Variants in POLN observed in about 807,000 individuals in gnomAD.
POLN encodes DNA polymerase N.
POLN carries 108 observed loss-of-function variants against 113.5 expected under a neutral mutation model. The observed-to-expected ratio is 0.95, with a 90% CI of 0.81 to 1.12. The LOEUF (loss-of-function observed/expected upper bound fraction) is 1.12, where lower values mean the gene tolerates loss of function less well. POLN is among the 50% of genes most tolerant of loss of function. The probability of loss-of-function intolerance (pLI) is 0.00; values close to 1 mark genes in which losing one functional copy is unlikely to be tolerated. For synonymous variants in POLN, 386 were observed against 391.5 expected, an observed-to-expected ratio of 0.99 and a Z score of 0.17; for missense variants, 1,097 against 1,077.1, an observed-to-expected ratio of 1.02 and a Z score of -0.26.
Position 2,179,267 on chromosome 4 carries a change from G to T in POLN, c.1179+41C>A, listed in dbSNP as rs898129075. The T allele has an allele frequency of 4.6e-6, 7 of 1,528,528 alleles. No individual in the cohort carries two copies. In the Admixed American group the frequency reaches 6.2e-5, roughly 13 times the overall value. The allele number at this position is 1,528,528 out of a possible 1,614,324, so 94.7% of individuals were successfully genotyped here. A position where few individuals can be genotyped will look rare whatever the true frequency, so the allele number is the denominator to read the frequency against. ...TAGAAAAAGCTTCCAGAAAAAATAG[G>T]ATGTATTAAGGTTGATAAAACTTTA... On this transcript the variant is annotated intron_variant, in intron 8 of 25. Coordinates refer to ENST00000511885, the MANE Select transcript of POLN (RefSeq NM_181808.4).
At chr4:2,102,473 A>G (rs750425223) in intron 19 of POLN, among the ~76,000 whole-genome samples, 16 of 152,290 alleles carry the variant, frequency 1.1e-4, no homozygotes, top group Admixed American at 2.6e-4. Flanking sequence ...TTGGGACCCA[A>G]CAGAGCATCT....
At chr4:2,204,606 CT>C (rs1733800465) in intron 5 of POLN, among the ~76,000 whole-genome samples, 1 of 152,156 alleles carries the variant, frequency 6.6e-6, no homozygotes, top group Admixed American at 6.5e-5. Context: ...CAGTATCACC[CT>C]AATACCAATA....
chr4:2,143,313 A>T (rs1312081310), intron 16 of POLN, among the ~76,000 whole-genome samples: 2 of 152,222 alleles, frequency 1.3e-5, no homozygotes, highest in African/African-American at 4.8e-5. Context: ...GTAGATTGAC[A>T]AAGAAAAAAC....
intron 7 of POLN, among the ~76,000 whole-genome samples, chr4:2,189,139 A>T (rs954734505): frequency 1.3e-5 from 2 of 152,234 alleles, no homozygotes; most frequent in Non-Finnish European, 2.9e-5. Flanking sequence ...TCACTTAACC[A>T]CAAGTAACAA....
chr4:2,145,842 T>C (rs1027072760), intron 16 of POLN, among the ~76,000 whole-genome samples: 1 of 152,146 alleles, frequency 6.6e-6, no homozygotes, highest in Admixed American at 6.6e-5. Flanking sequence ...CAGCATTTAC[T>C]TTTTTTCTTG....
chr4:2,237,118 A>C (rs997957962), intron 2 of POLN, among the ~76,000 whole-genome samples: 1 of 152,090 alleles, frequency 6.6e-6, no homozygotes, highest in African/African-American at 2.4e-5. Flanking sequence ...GATAACCTCC[A>C]AAGAAAACAC....
Position 2,198,714 on chromosome 4 carries a change from G to A in POLN, c.718C>T (p.Pro240Ser). ...ACAATTCCTCTAACAGAAGAAACGG[G>A]GGTCTGTGGAAACACAACAAAATAA... The part of the protein sequence containing the change: ...GSTQLGADQT[P>S]VSSVRGIVVL... Residue 240 changes from proline to serine, a missense_variant, in exon 6 of 26, where the codon CCC becomes TCC. Pro to Ser is a moderately conservative substitution (Grantham distance 74). Coordinates refer to ENST00000511885, the MANE Select transcript of POLN (RefSeq NM_181808.4). 1 of 1,601,310 alleles carries A rather than the reference G, an allele frequency of 6.2e-7. No homozygotes were observed. The highest frequency in any genetic ancestry group is 1.1e-5 in the South Asian group (1 of 89,060).
intron 20 of POLN, chr4:2,088,595 G>T: frequency 3.4e-6 from 2 of 594,920 alleles, no homozygotes; most frequent in Non-Finnish European, 4.9e-6. Flanking sequence ...CTAATCAACT[G>T]ATCTACAACA....
At position 2,080,772 on chromosome 4, in the gene POLN, G is replaced by A. The variant is rs1033012610; in HGVS notation, c.2387+186C>T. 9 of 1,461,432 alleles carry A rather than the reference G, an allele frequency of 6.2e-6. No homozygotes were observed. In the African/African-American group the frequency reaches 1.1e-4, roughly 18 times the overall value. 90.5% of individuals were successfully genotyped at this position (1,461,432 alleles called of 1,614,324 possible). On this transcript the variant is annotated intron_variant, in intron 23 of 25. Transcript: ENST00000511885. ...TCATCTGCACCCCACGCTGGTGGAT[G>A]GCTGGTTGTTGTCTGCATGCCTGCT...
chr4:2,169,120 G>A (rs1470593549), intron 13 of POLN, among the ~76,000 whole-genome samples: 2 of 152,216 alleles, frequency 1.3e-5, no homozygotes, highest in African/African-American at 2.4e-5. Flanking sequence ...GGCGCACAGA[G>A]CTGCAGGCAG....
intron 19 of POLN, among the ~76,000 whole-genome samples, chr4:2,118,923 C>T (rs896013474): frequency 3.3e-5 from 5 of 152,324 alleles, no homozygotes; most frequent in South Asian, 2.1e-4. Context: ...AGAGGAACCA[C>T]GTGCAGACTC....
chr4:2,226,814 C>T (rs1734406409), intron 3 of POLN, among the ~76,000 whole-genome samples: 1 of 152,132 alleles, frequency 6.6e-6, no homozygotes, highest in Admixed American at 6.5e-5. Context: ...ATGAAATAGG[C>T]TCATGGAAAT....
chr4:2,193,691 G>A (rs1259372342), intron 6 of POLN, among the ~76,000 whole-genome samples: 1 of 152,068 alleles, frequency 6.6e-6, no homozygotes, highest in Non-Finnish European at 1.5e-5. Flanking sequence ...CTACCCTCTC[G>A]TCGCACTAAA....
intron 13 of POLN, among the ~76,000 whole-genome samples, chr4:2,169,094 G>A (rs1011887535): frequency 2.0e-5 from 3 of 152,168 alleles, no homozygotes; most frequent in Admixed American, 2.0e-4. Flanking sequence ...ACGAGTCTGG[G>A]GACAGAGAAG....
At chr4:2,072,706 TTGAGTGG>T (rs1381877098) in intron 25 of POLN, among the ~76,000 whole-genome samples, 5 of 152,116 alleles carry the variant, frequency 3.3e-5, no homozygotes, top group African/African-American at 1.2e-4. Flanking sequence ...GTCCCTGACC[TTGAGTGG>T]ACCAAGCCTT....
At chr4:2,177,461 T>A (rs771366666) in intron 8 of POLN, among the ~76,000 whole-genome samples, 4 of 152,220 alleles carry the variant, frequency 2.6e-5, no homozygotes, top group Admixed American at 2.0e-4. Flanking sequence ...AGATTAATGA[T>A]TAATGGCTGG....
chr4:2,174,475 T>C (rs1049522001), intron 10 of POLN, among the ~76,000 whole-genome samples: 2 of 152,156 alleles, frequency 1.3e-5, no homozygotes, highest in African/African-American at 4.8e-5. Context: ...AGGGATCCCA[T>C]ATGACCAAGA....
intron 22 of POLN, 52 bp from the exon 23 acceptor site, chr4:2,081,088 G>A: frequency 6.2e-7 from 1 of 1,612,136 alleles, no homozygotes; most frequent in East Asian, 2.2e-5. Context: ...GGTTCATGGT[G>A]CACTCAGCAT....
intron 2 of POLN, among the ~76,000 whole-genome samples, chr4:2,235,651 C>T (rs1358998895): frequency 6.6e-6 from 1 of 152,182 alleles, no homozygotes; most frequent in Non-Finnish European, 1.5e-5. Context: ...TTGAAGGATA[C>T]ATACCTTCAA....
Sources: allele counts gnomAD v4.1 joint callset (sites outside exome capture counted in the v4.1 genomes callset), GRCh38; gene constraint gnomAD v4.1.1; transcripts MANE v1.5; gene names NCBI Gene and HGNC (gene_info 2026-07-23, HGNC 2026-07-21).